The following KIAA1549L variants were observed in gnomAD, a reference collection of about 807,000 sequenced individuals.
KIAA1549L encodes KIAA1549 like.
KIAA1549L carries 88 observed loss-of-function variants against 160.7 expected under a neutral mutation model. The ratio of observed to expected loss-of-function variants is 0.55; its 90% CI spans 0.46 to 0.65. The LOEUF is 0.65. KIAA1549L is among the 30% of genes least tolerant of loss of function. The pLI, the probability that KIAA1549L is intolerant of heterozygous loss-of-function variation, is 0.00. For missense variants in KIAA1549L, 2,258 were observed against 2,437.5 expected, an observed-to-expected ratio of 0.93 and a Z score of 1.55; for synonymous variants, 950 against 976.7, an observed-to-expected ratio of 0.97 and a Z score of 0.51.
intron 16 of KIAA1549L, among the ~76,000 whole-genome samples, chr11:33,632,412 C>T (rs772590509): frequency 1.3e-5 from 2 of 152,124 alleles, no homozygotes; most frequent in East Asian, 1.9e-4. Flanking sequence ...GCAGTGAATG[C>T]GGGGAGATTA....
intron 5 of KIAA1549L, 128 bp from the exon 6 acceptor site, chr11:33,551,980 G>A: frequency 9.8e-7 from 1 of 1,017,894 alleles, no homozygotes; most frequent in South Asian, 1.9e-5. Flanking sequence ...AACCTTGTCT[G>A]GCCTTATTAT....
intron 8 of KIAA1549L, among the ~76,000 whole-genome samples, chr11:33,565,565 A>G (rs989076550): frequency 6.6e-6 from 1 of 152,200 alleles, no homozygotes; most frequent in African/African-American, 2.4e-5. Flanking sequence ...CCCTGCCCCC[A>G]AATCCAGCTC....
At chr11:33,600,334 C>G (rs1472039737) in intron 13 of KIAA1549L, among the ~76,000 whole-genome samples, 1 of 152,164 alleles carries the variant, frequency 6.6e-6, no homozygotes, top group East Asian at 1.9e-4. Flanking sequence ...TGCTCTAGAT[C>G]TTGGGAAGGG....
intron 18 of KIAA1549L, among the ~76,000 whole-genome samples, chr11:33,657,168 C>G (rs1338954459): frequency 6.6e-6 from 1 of 151,996 alleles, no homozygotes; most frequent in Admixed American, 6.6e-5. Flanking sequence ...GGAAGGGAGA[C>G]CCCACCCTGA....
chr11:33,662,656 G>A (rs1416282753), intron 20 of KIAA1549L, among the ~76,000 whole-genome samples: 2 of 152,154 alleles, frequency 1.3e-5, no homozygotes, highest in South Asian at 4.1e-4. Context: ...ATTCCCTTAC[G>A]CCTGCAGCTT....
intron 1 of KIAA1549L, among the ~76,000 whole-genome samples, chr11:33,539,044 G>A (rs1379341775): frequency 6.6e-6 from 1 of 152,142 alleles, no homozygotes; most frequent in Non-Finnish European, 1.5e-5. Flanking sequence ...CTGTTGACAT[G>A]TCTTTGAAAC....
chr11:33,392,212 C>T (rs1408013864), intron 1 of KIAA1549L, among the ~76,000 whole-genome samples: 2 of 152,152 alleles, frequency 1.3e-5, no homozygotes, highest in African/African-American at 4.8e-5. Context: ...TCCCTGCCCA[C>T]CCAACATTTT....
At chr11:33,562,573 A>G (rs1413638104) in intron 8 of KIAA1549L, among the ~76,000 whole-genome samples, 1 of 152,072 alleles carries the variant, frequency 6.6e-6, no homozygotes, top group East Asian at 1.9e-4. Flanking sequence ...GTGTCTTCAC[A>G]TGCCCTTCCC....
intron 1 of KIAA1549L, among the ~76,000 whole-genome samples, chr11:33,467,045 C>T (rs909903439): frequency 3.3e-5 from 5 of 152,110 alleles, no homozygotes; most frequent in African/African-American, 1.2e-4. Context: ...GTGCAGCAAA[C>T]CAACCTGGCA....
At chr11:33,412,132 G>A (rs1850797297) in intron 1 of KIAA1549L, among the ~76,000 whole-genome samples, 1 of 152,180 alleles carries the variant, frequency 6.6e-6, no homozygotes, top group African/African-American at 2.4e-5. Flanking sequence ...TAAATGCAAA[G>A]CATTTAATTT....
chr11:33,453,516 T>A (rs1425417880), intron 1 of KIAA1549L, among the ~76,000 whole-genome samples: 1 of 152,188 alleles, frequency 6.6e-6, no homozygotes, highest in Non-Finnish European at 1.5e-5. Flanking sequence ...TGCTTAAGGA[T>A]CCTGGGGAGA....
intron 16 of KIAA1549L, among the ~76,000 whole-genome samples, chr11:33,629,130 T>A (rs1201766114): frequency 6.6e-6 from 1 of 152,216 alleles, no homozygotes; most frequent in Non-Finnish European, 1.5e-5. Flanking sequence ...CTCTTCTGGC[T>A]TGTAGAGTTT....
At chr11:33,519,096 T>A (rs1853422304) in intron 1 of KIAA1549L, among the ~76,000 whole-genome samples, 1 of 152,240 alleles carries the variant, frequency 6.6e-6, no homozygotes, top group Non-Finnish European at 1.5e-5. Context: ...ATAGACTGGA[T>A]GTTTTGAACA....
At chr11:33,516,699 CAAA>C (rs932166220) in intron 1 of KIAA1549L, among the ~76,000 whole-genome samples, 5 of 152,044 alleles carry the variant, frequency 3.3e-5, no homozygotes, top group Admixed American at 6.6e-5. Flanking sequence ...AACAAACAAA[CAAA>C]AAACACCTGT....
chr11:33,612,405 A>G (rs1421603902), intron 15 of KIAA1549L, among the ~76,000 whole-genome samples: 1 of 152,186 alleles, frequency 6.6e-6, no homozygotes, highest in Non-Finnish European at 1.5e-5. Flanking sequence ...GCATCAGTGT[A>G]TTAGGCCAGT....
chr11:33,655,968 C>G (rs1169676364), intron 17 of KIAA1549L, 44 bp from the exon 18 acceptor site: 2 of 1,377,790 alleles, frequency 1.5e-6, no homozygotes, highest in Non-Finnish European at 2.1e-6. Flanking sequence ...CTGATCGACC[C>G]TGGGTGTTAA....
In KIAA1549L at chr11:33,559,757, C is replaced by T. The variant is rs764515847; in HGVS notation, c.3864C>T (p.Ser1288=). The part of the protein sequence containing the change: ...TKSNLTIQIV[S]TSNASQAVTL... The stretch of plus-strand genomic sequence containing the variant: ...CTCCTGTGTTGATTCAGATTGTGAG[C>T]ACGTCCAATGCCTCCCAGGCAGTCA... The change falls in exon 7 of 21, where the codon AGC becomes AGT. Residue 1288 remains serine (S), a synonymous_variant. Transcript: ENST00000658780. 4 of 1,613,838 alleles carry T rather than the reference C, an allele frequency of 2.5e-6. No individual in the cohort carries two copies. The highest frequency in any genetic ancestry group is 2.2e-5 in the South Asian group (2 of 91,070).
At chr11:33,504,502 C>T (rs1247154440) in intron 1 of KIAA1549L, among the ~76,000 whole-genome samples, 2 of 152,008 alleles carry the variant, frequency 1.3e-5, no homozygotes, top group Non-Finnish European at 2.9e-5. Context: ...GAGTCCCTCT[C>T]TGTTGCCCAG....
chr11:33,584,728 G>A (rs1457963451), intron 11 of KIAA1549L, among the ~76,000 whole-genome samples: 1 of 152,092 alleles, frequency 6.6e-6, no homozygotes, highest in Admixed American at 6.5e-5. Context: ...AGAGACTTTG[G>A]GGTTTGTCCA....
Sources: gnomAD v4.1 joint callset for allele counts (sites outside exome capture counted in the v4.1 genomes callset) on GRCh38, gnomAD v4.1.1 for gene constraint, MANE v1.5 for transcripts, NCBI Gene and HGNC (gene_info 2026-07-23, HGNC 2026-07-21) for gene names.